PEX5L: variants seen among roughly 807,000 people sequenced by gnomAD.
PEX5L encodes peroxisomal biogenesis factor 5 like.
In PEX5L, 30 loss-of-function variants were observed where a neutral mutation model predicts 84.0. That is an observed-to-expected ratio of 0.36 (90% confidence interval 0.27 to 0.48). PEX5L has a LOEUF of 0.48. Ranked by LOEUF, PEX5L falls within the 20% of genes least tolerant of loss-of-function variation. The pLI is 0.99. For synonymous variants in PEX5L, 270 were observed against 283.1 expected, an observed-to-expected ratio of 0.95 and a Z score of 0.46; for missense variants, 533 against 754.6, an observed-to-expected ratio of 0.71 and a Z score of 3.44.
At chr3:179,868,577 G>A (rs9857206) in intron 7 of PEX5L, among the ~76,000 whole-genome samples, 2,419 of 152,152 alleles carry the variant, frequency 0.016, 79 homozygotes, top group African/African-American at 0.056. Context: ...GGGGAAATTC[G>A]CATCTGTAGA....
chr3:179,801,822 C>A lies in PEX5L; in HGVS notation c.*6G>T, dbSNP rs375735714. 8.9e-6 allele frequency: 14 copies of A among 1,568,468 alleles called. No individual in the cohort carries two copies. In the African/African-American group the frequency reaches 1.6e-4, roughly 18 times the overall value. Reference sequence around the variant, plus strand: ...AGGGATTATTAGTACTGGTATTATTCTTTCTTCAAGGATCCAAGTTGAAAG... The same window carrying A: ...AGGGATTATTAGTACTGGTATTATTATTTCTTCAAGGATCCAAGTTGAAAG... On this transcript the variant is annotated 3_prime_UTR_variant, in exon 15 of 15. Transcript: ENST00000467460.
At chr3:179,840,183 G>GTT (rs71182521) in intron 8 of PEX5L, among the ~76,000 whole-genome samples, 2,065 of 78,690 alleles carry the variant, frequency 0.026, 192 homozygotes, top group African/African-American at 0.063. Flanking sequence ...GTGTGTGTGT[G>GTT]TTTTTTTTTT....
intron 1 of PEX5L, among the ~76,000 whole-genome samples, chr3:179,985,324 G>A (rs772985277): frequency 1.3e-5 from 2 of 152,138 alleles, no homozygotes; most frequent in African/African-American, 2.4e-5. Flanking sequence ...AGGTCATCTC[G>A]GTCACTAAGA....
At chr3:179,973,617 T>A in intron 1 of PEX5L, 1 of 985,322 alleles carries the variant, frequency 1.0e-6, no homozygotes, top group Non-Finnish European at 1.2e-6. Flanking sequence ...TTTAATCTCC[T>A]ATTCTAAACT....
At chr3:179,875,924 A>G (rs34575505) in intron 5 of PEX5L, among the ~76,000 whole-genome samples, 23,058 of 152,166 alleles carry the variant, frequency 0.15, 1,863 homozygotes, top group South Asian at 0.31. Context: ...AATTCTGTTT[A>G]AAAAGATGAG....
At chr3:180,018,480 C>CA (rs1471121382) in intron 1 of PEX5L, among the ~76,000 whole-genome samples, 1 of 152,160 alleles carries the variant, frequency 6.6e-6, no homozygotes, top group Non-Finnish European at 1.5e-5. Flanking sequence ...TCTGACTTGA[C>CA]AATGCAGTTA....
In PEX5L at chr3:179,888,026, C is replaced by T. The variant is rs542473186; in HGVS notation, c.199-242G>A. ...AATGTTTAAAGCTCAAGCCTTTCCT[C>T]CCCCCTCCTGAAATATGATTATTCT... is the stretch of plus-strand genomic sequence containing the variant. On this transcript the variant is annotated intron_variant, in intron 3 of 14. Transcript: ENST00000467460. 9 of 861,408 alleles carry T rather than the reference C, an allele frequency of 1.0e-5. No individual in the cohort carries two copies. In the African/African-American group the frequency reaches 1.2e-4, roughly 11 times the overall value. 53.4% of individuals were successfully genotyped at this position (861,408 alleles called of 1,614,324 possible).
chr3:179,840,162 TGTG>T (rs1297702239), intron 8 of PEX5L, among the ~76,000 whole-genome samples: 33 of 105,740 alleles, frequency 3.1e-4, no homozygotes, highest in African/African-American at 1.3e-3. Flanking sequence ...AGTTGTTTTT[TGTG>T]TGTGTGTGTG....
At chr3:179,831,987 C>G (rs983011771) in intron 8 of PEX5L, among the ~76,000 whole-genome samples, 1 of 151,986 alleles carries the variant, frequency 6.6e-6, no homozygotes, top group Non-Finnish European at 1.5e-5. Context: ...TTGTTTAGAT[C>G]GGTGTTTTAG....
chr3:179,825,784 A>C lies in PEX5L; in HGVS notation c.823-5808T>G, dbSNP rs373664677. On this transcript the variant is annotated intron_variant, in intron 8 of 14. Transcript: ENST00000467460. ...ATCTGTAAATTGTAAAAAATCTCTT[A>C]AGAGTAAGCGTTAAGCGAAACAATG... Among the ~76,000 whole-genome samples the C allele has an allele frequency of 5.3e-5, 8 of 152,364 alleles. No individual in the cohort carries two copies. The South Asian group carries it at 6.2e-4, about 12-fold the overall frequency.
Position 179,796,348 on chromosome 3 carries a change from G to A in PEX5L, c.*5480C>T, listed in dbSNP as rs1437370494. The A allele has an allele frequency of 6.6e-6, 1 of 152,130 alleles. No individual in the cohort carries two copies. The highest frequency in any genetic ancestry group is 1.5e-5 in the Non-Finnish European group (1 of 68,020). The allele number at this position is 152,130 out of a possible 1,614,324, so 9.4% of individuals were successfully genotyped here. A position where few individuals can be genotyped will look rare whatever the true frequency, so the allele number is the denominator to read the frequency against. On this transcript the variant is annotated 3_prime_UTR_variant, in exon 15 of 15. Transcript: ENST00000467460. ...TGACATTCTGCAGCATTGCAAGTTA[G>A]TTTTCTCTTATAGAGAAGGTCCTGA...
rs1560139016 is a variant in PEX5L, at chr3:179,801,949, G to C, written c.1760C>G (p.Ser587Cys). Residue 587 changes from serine (S) to cysteine (C), a missense_variant, in exon 15 of 15, where the codon TCT (serine) becomes TGT (cysteine). Physicochemically the swap from Ser to Cys is moderately radical, Grantham distance 112 (BLOSUM62 -1). This residue lies in a region of PEX5L where 105 missense variants were observed against 204.6 expected (regional missense o/e 0.51). Coordinates refer to ENST00000467460, the MANE Select transcript of PEX5L (RefSeq NM_016559.3). ...NQQQVPHPAISGNIWAALRIA... is the reference protein window; with the variant it reads ...NQQQVPHPAICGNIWAALRIA... Reference sequence around the variant, plus strand: ...TCTGAGGGCAGCCCAGATATTCCCAGAGATTGCAGGATGAGGAACTTGCTG... The same window carrying C: ...TCTGAGGGCAGCCCAGATATTCCCACAGATTGCAGGATGAGGAACTTGCTG... The C allele has an allele frequency of 6.2e-7, 1 of 1,613,874 alleles. No homozygotes were observed.
At chr3:179,919,758 A>G (rs1421060099) in intron 2 of PEX5L, among the ~76,000 whole-genome samples, 2 of 152,204 alleles carry the variant, frequency 1.3e-5, no homozygotes, top group South Asian at 4.1e-4. Context: ...GCTGGAGTGC[A>G]GTGGCGCGAT....
rs542473186 is a variant in PEX5L, at chr3:179,888,026, C to G, written c.199-242G>C. On this transcript the variant is annotated intron_variant, in intron 3 of 14. Transcript: ENST00000467460. ...AATGTTTAAAGCTCAAGCCTTTCCT[C>G]CCCCCTCCTGAAATATGATTATTCT... 7.0e-6 allele frequency: 6 copies of G among 861,526 alleles called. No individual in the cohort carries two copies. In the African/African-American group the frequency reaches 1.0e-4, roughly 14 times the overall value. 53.4% of individuals were successfully genotyped at this position (861,526 alleles called of 1,614,324 possible). A position where few individuals can be genotyped will look rare whatever the true frequency, so the allele number is the denominator to read the frequency against.
chr3:180,014,649 GC>G (rs1789783559), intron 1 of PEX5L, among the ~76,000 whole-genome samples: 2 of 152,012 alleles, frequency 1.3e-5, no homozygotes, highest in Admixed American at 6.6e-5. Context: ...TGTAAAAGAA[GC>G]TAAACTTTTA....
At chr3:179,950,788 A>G (rs924403473) in intron 2 of PEX5L, among the ~76,000 whole-genome samples, 2 of 152,208 alleles carry the variant, frequency 1.3e-5, no homozygotes, top group African/African-American at 4.8e-5. Flanking sequence ...AAGTAAAACA[A>G]TAGTAGTGCA....
At chr3:180,025,926 T>C (rs1002349317) in intron 1 of PEX5L, among the ~76,000 whole-genome samples, 1 of 152,174 alleles carries the variant, frequency 6.6e-6, no homozygotes, top group Admixed American at 6.5e-5. Context: ...GGTACTTTTC[T>C]TATCTCCCTG....
chr3:179,958,975 C>CGA (rs574825372), intron 2 of PEX5L, among the ~76,000 whole-genome samples: 334 of 151,644 alleles, frequency 2.2e-3, no homozygotes, highest in Middle Eastern at 0.017. Context: ...TACAGTGAGC[C>CGA]GAGATCGCGC....
At chr3:180,022,292 T>C (rs1023129589) in intron 1 of PEX5L, among the ~76,000 whole-genome samples, 7 of 152,204 alleles carry the variant, frequency 4.6e-5, no homozygotes, top group African/African-American at 1.4e-4. Flanking sequence ...TATTTTAATA[T>C]GAATTGAGAT....
Sources: allele counts gnomAD v4.1 joint callset (sites outside exome capture counted in the v4.1 genomes callset), GRCh38; gene constraint gnomAD v4.1.1; regional missense constraint gnomAD v4.1.1; transcripts MANE v1.5; gene names NCBI Gene and HGNC (gene_info 2026-07-23, HGNC 2026-07-21).